HS6ST2: variants seen among roughly 807,000 people sequenced by gnomAD.
The protein encoded by HS6ST2 is heparan-sulfate 6-O-sulfotransferase 2.
Under a neutral mutation model 33.0 loss-of-function variants are expected in HS6ST2, and 17 were observed. The ratio of observed to expected loss-of-function variants is 0.52; its 90% confidence interval spans 0.35 to 0.77. The LOEUF (loss-of-function observed/expected upper bound fraction) is 0.77, where lower values mean the gene tolerates loss of function less well. Among genes scored for constraint, HS6ST2 ranks in the 30% least tolerant of loss-of-function variants. The probability of loss-of-function intolerance (pLI) is 0.01; values close to 1 mark genes in which losing one functional copy is unlikely to be tolerated. For synonymous variants in HS6ST2, 248 were observed against 237.1 expected, an observed-to-expected ratio of 1.05 and a Z score of -0.42; for missense variants, 519 against 551.7, an observed-to-expected ratio of 0.94 and a Z score of 0.59.
chrX:132,824,521 T>G (rs1393099946), intron 2 of HS6ST2, among the ~76,000 whole-genome samples: 1 of 112,472 alleles, frequency 8.9e-6, no homozygotes, highest in Non-Finnish European at 1.9e-5. Context: ...GTTGGGACCT[T>G]TGAGGCCAGA....
intron 2 of HS6ST2, among the ~76,000 whole-genome samples, chrX:132,835,878 T>G (rs1184377508): frequency 1.8e-5 from 2 of 111,730 alleles, no homozygotes; most frequent in African/African-American, 6.5e-5. Flanking sequence ...ATTGCGACAC[T>G]GCACTCCAGC....
intron 2 of HS6ST2, among the ~76,000 whole-genome samples, chrX:132,760,235 T>C (rs2064793348): frequency 9.0e-6 from 1 of 110,694 alleles, no homozygotes; most frequent in African/African-American, 3.3e-5. Context: ...GAGTAGATGA[T>C]ATGGTTTGGC....
At chrX:132,652,763 TTG>T (rs1479570613) in intron 4 of HS6ST2, among the ~76,000 whole-genome samples, 25 of 110,580 alleles carry the variant, frequency 2.3e-4, no homozygotes, top group Non-Finnish European at 4.2e-4. Flanking sequence ...TCTCATTTAA[TTG>T]AATTGGAAAT....
At chrX:132,774,873 G>T (rs1273627742) in intron 2 of HS6ST2, among the ~76,000 whole-genome samples, 1 of 110,096 alleles carries the variant, frequency 9.1e-6, no homozygotes. Context: ...TAGAGATGGG[G>T]TTTCACCATG....
At chrX:132,948,038 G>C in intron 2 of HS6ST2, among the ~76,000 whole-genome samples, 1 of 111,931 alleles carries the variant, frequency 8.9e-6, no homozygotes, top group Admixed American at 9.5e-5. Context: ...TCAATACACC[G>C]CACATTTCAA....
chrX:132,637,133 C>A (rs750166430), intron 4 of HS6ST2, among the ~76,000 whole-genome samples: 1 of 112,090 alleles, frequency 8.9e-6, no homozygotes, highest in East Asian at 2.8e-4. Context: ...AAGTGTGAGC[C>A]CAGAACCATC....
At chrX:132,796,114 G>T (rs1452180461) in intron 2 of HS6ST2, among the ~76,000 whole-genome samples, 1 of 111,725 alleles carries the variant, frequency 9.0e-6, no homozygotes, top group African/African-American at 3.3e-5. Flanking sequence ...TTATTTTAAA[G>T]AAATTCTCAA....
chrX:132,754,589 T>G (rs2148301700), intron 2 of HS6ST2, among the ~76,000 whole-genome samples: 1 of 108,961 alleles, frequency 9.2e-6, no homozygotes, highest in African/African-American at 3.4e-5. Flanking sequence ...TCTAATTTTT[T>G]TATATTTTTA....
intron 2 of HS6ST2, among the ~76,000 whole-genome samples, chrX:132,849,091 A>G (rs776210419): frequency 2.7e-5 from 3 of 111,944 alleles, no homozygotes; most frequent in African/African-American, 9.7e-5. Context: ...CAATAAAACA[A>G]AAAGCAAACA....
chrX:132,778,405 G>T (rs1208478523), intron 2 of HS6ST2, among the ~76,000 whole-genome samples: 4 of 110,666 alleles, frequency 3.6e-5, no homozygotes, highest in Non-Finnish European at 7.6e-5. Flanking sequence ...TTGTTTTTTT[G>T]TTTTTTGTTT....
In HS6ST2 at chrX:132,753,216, G is replaced by A. The variant is rs186571510; in HGVS notation, c.948-44722C>T. Among the ~76,000 whole-genome samples the A allele has an allele frequency of 6.2e-5, 7 of 112,353 alleles. No individual in the cohort carries two copies. The East Asian group carries it at 1.7e-3, about 27-fold the overall frequency. Reference sequence around the variant, plus strand: ...TGCAACTTTGGGAAGTGCACACTGAGCTTCATCTAAATTCATTCCTTGTCA... The same window carrying A: ...TGCAACTTTGGGAAGTGCACACTGAACTTCATCTAAATTCATTCCTTGTCA... On this transcript the variant is annotated intron_variant, in intron 2 of 4. Coordinates refer to ENST00000370833, the MANE Select transcript of HS6ST2 (RefSeq NM_001394073.1).
chrX:132,744,907 A>T (rs1409480408), intron 2 of HS6ST2, among the ~76,000 whole-genome samples: 1 of 111,761 alleles, frequency 8.9e-6, no homozygotes, highest in East Asian at 2.8e-4. Context: ...ACTATTATGA[A>T]TGTACTTTGG....
chrX:132,714,782 CA>C (rs2064259917), intron 2 of HS6ST2, among the ~76,000 whole-genome samples: 2 of 111,293 alleles, frequency 1.8e-5, no homozygotes, highest in Non-Finnish European at 3.8e-5. Flanking sequence ...TTCAGTGTGC[CA>C]CTCTTCCCAT....
intron 2 of HS6ST2, among the ~76,000 whole-genome samples, chrX:132,779,192 T>C (rs1010014319): frequency 8.9e-6 from 1 of 111,737 alleles, no homozygotes; most frequent in African/African-American, 3.3e-5. Flanking sequence ...AGCAGTTCAA[T>C]CCACTCTGAA....
At chrX:132,887,832 A>G (rs1414967965) in intron 2 of HS6ST2, among the ~76,000 whole-genome samples, 2 of 112,564 alleles carry the variant, frequency 1.8e-5, no homozygotes, top group South Asian at 3.7e-4. Flanking sequence ...AAAAGGAATA[A>G]AGTACTGATA....
Position 132,807,759 on chromosome X carries a change from C to T in HS6ST2, c.948-99265G>A, listed in dbSNP as rs377083867. Among the ~76,000 whole-genome samples the T allele has an allele frequency of 1.1e-4, 12 of 111,946 alleles. No homozygotes were observed. The East Asian group carries it at 2.5e-3, about 24-fold the overall frequency. On this transcript the variant is annotated intron_variant, in intron 2 of 4. Coordinates refer to ENST00000370833, the MANE Select transcript of HS6ST2 (RefSeq NM_001394073.1). Reference sequence around the variant, plus strand: ...CTGAAATGCAAGCACTGCGAAAGGACGCTAAGGAAAGTGACTAAAAGCAGA... The same window carrying T: ...CTGAAATGCAAGCACTGCGAAAGGATGCTAAGGAAAGTGACTAAAAGCAGA...
At chrX:132,857,919 G>C (rs1413360384) in intron 2 of HS6ST2, among the ~76,000 whole-genome samples, 1 of 112,138 alleles carries the variant, frequency 8.9e-6, no homozygotes, top group Non-Finnish European at 1.9e-5. Context: ...GGAATTCCAA[G>C]ACAGTGCACG....
At chrX:132,887,466 T>C (rs957705361) in intron 2 of HS6ST2, among the ~76,000 whole-genome samples, 1 of 112,238 alleles carries the variant, frequency 8.9e-6, no homozygotes, top group Non-Finnish European at 1.9e-5. Flanking sequence ...CACTGTACAT[T>C]CACTAGAGTG....
At chrX:132,852,292 A>G (rs1488195287) in intron 2 of HS6ST2, among the ~76,000 whole-genome samples, 1 of 112,225 alleles carries the variant, frequency 8.9e-6, no homozygotes, top group African/African-American at 3.2e-5. Context: ...TCCAAAGGGC[A>G]TTTGACATTA....
Sources: gnomAD v4.1 joint callset for allele counts (sites outside exome capture counted in the v4.1 genomes callset) on GRCh38, gnomAD v4.1.1 for gene constraint, MANE v1.5 for transcripts, NCBI Gene and HGNC (gene_info 2026-07-23, HGNC 2026-07-21) for gene names.